The following CAGE1 variants were observed in gnomAD, a reference collection of about 807,000 sequenced individuals.
CAGE1 encodes the protein cancer-associated gene 1 protein.
A neutral mutation model predicts 94.9 loss-of-function variants in CAGE1; 66 were observed. The ratio of observed to expected loss-of-function variants is 0.70; its 90% CI spans 0.57 to 0.85. The LOEUF (loss-of-function observed/expected upper bound fraction) is 0.85. Among genes scored for constraint, CAGE1 ranks in the 40% least tolerant of loss-of-function variants. CAGE1 has a pLI of 0.00. For missense variants in CAGE1, 865 were observed against 950.4 expected (o/e 0.91, Z 1.18); for synonymous variants, 319 against 321.0 (o/e 0.99, Z 0.07).
At chr6:7,326,988 A>T in intron 13 of CAGE1, 89 bp from the exon 14 acceptor site, 1 of 921,144 alleles carries the variant, frequency 1.1e-6, no homozygotes, top group Non-Finnish European at 1.8e-6. Context: ...TTTTTATTAC[A>T]TATGGAAAAG....
chr6:7,352,457 T>A (rs1759817959), intron 11 of CAGE1, among the ~76,000 whole-genome samples: 1 of 151,866 alleles, frequency 6.6e-6, no homozygotes, highest in East Asian at 1.9e-4. Context: ...ATTGTGAAAA[T>A]GACCATACTG....
At chr6:7,345,125 A>ATCCATATTGCTTTTAGGAGCTAGG (rs35362202) in intron 11 of CAGE1, among the ~76,000 whole-genome samples, 1 of 151,206 alleles carries the variant, frequency 6.6e-6, no homozygotes, top group Non-Finnish European at 1.5e-5. Flanking sequence ...TGCTCTTTAG[A>ATCCATATTGCTTTTAGGAGCTAGG]TCCATATTGC....
intron 3 of CAGE1, among the ~76,000 whole-genome samples, chr6:7,379,555 A>G (rs1760864275): frequency 6.6e-6 from 1 of 152,248 alleles, no homozygotes; most frequent in Non-Finnish European, 1.5e-5. Context: ...ATGCTATGCT[A>G]TACTATTTTT....
chr6:7,330,419 G>A (rs756893333), intron 12 of CAGE1, among the ~76,000 whole-genome samples: 46 of 152,000 alleles, frequency 3.0e-4, no homozygotes, highest in Non-Finnish European at 5.9e-4. Flanking sequence ...AAATAACGAT[G>A]AGGCACACTC....
chr6:7,352,801 A>G (rs1216262085), intron 11 of CAGE1, among the ~76,000 whole-genome samples: 2 of 152,150 alleles, frequency 1.3e-5, no homozygotes, highest in Admixed American at 6.5e-5. Flanking sequence ...GGGAAAGGAC[A>G]CCCTTTTCAA....
At chr6:7,336,285 A>G (rs2038828) in intron 11 of CAGE1, among the ~76,000 whole-genome samples, 58,557 of 152,070 alleles carry the variant, frequency 0.39, 11,475 homozygotes, top group Admixed American at 0.46. Context: ...AGTGTGCAAC[A>G]TAGCAGCAGT....
rs1345796285 is a variant in CAGE1, at chr6:7,327,582, A to G, written c.2479-683T>C. On this transcript the variant is annotated intron_variant, in intron 13 of 13. Transcript: ENST00000502583. ...AATTGACAGATGTAGAAAAAGGAATAGAAGCAAGAATCTGAATAATCCAAA... is the reference window on the plus strand; with the variant it reads ...AATTGACAGATGTAGAAAAAGGAATGGAAGCAAGAATCTGAATAATCCAAA... Among the ~76,000 whole-genome samples the G allele has an allele frequency of 1.3e-5, 2 of 152,248 alleles. 1 individual carries two copies. Among genetic ancestry groups the G allele is most frequent in the Non-Finnish European group, 2.9e-5 (2 of 68,046 alleles).
intron 2 of CAGE1, among the ~76,000 whole-genome samples, chr6:7,386,142 G>C (rs1581702727): frequency 6.6e-6 from 1 of 152,056 alleles, no homozygotes; most frequent in South Asian, 2.1e-4. Flanking sequence ...TATAAACTTA[G>C]GGATACGTGA....
intron 3 of CAGE1, among the ~76,000 whole-genome samples, chr6:7,385,193 C>T (rs759221536): frequency 7.9e-5 from 12 of 151,964 alleles, no homozygotes; most frequent in African/African-American, 1.7e-4. Flanking sequence ...TTACTGGAGA[C>T]GGGGTTTCTC....
Position 7,339,344 on chromosome 6 carries a change from C to T in CAGE1, c.2370-5254G>A, listed in dbSNP as rs1428902692. 6.2e-6 allele frequency: 10 copies of T among 1,608,336 alleles called. No individual in the cohort carries two copies. Among genetic ancestry groups the T allele is most frequent in the Non-Finnish European group, 8.5e-6 (10 of 1,175,400 alleles). On this transcript the variant is annotated intron_variant, in intron 11 of 13. Transcript: ENST00000502583. The surrounding 1 kb of genome is among the most constrained non-coding windows in gnomAD (Gnocchi z 4.7). ...CACTGCCCTCTGGAGAGCCAAACCT[C>T]TTCTGAACTACAGCAGTCAGTTCCC...
rs769933099 is a variant in CAGE1 at position 7,373,536 on chromosome 6, A to G, written c.1283T>C (p.Met428Thr). ...ACTTACAGATTTATTTTTTTGTTGC[A>G]TTTCAGTCATGTACCTTTCCTGTAA... Reference protein sequence around the residue: ...VCLQERYMTEMQQKNKSVSQY... With the variant: ...VCLQERYMTETQQKNKSVSQY... The change falls in exon 5 of 14, where the codon ATG becomes ACG. Residue 428 changes from methionine to threonine, a missense_variant. Met to Thr is a moderately conservative substitution (Grantham distance 81). Coordinates refer to ENST00000502583, the MANE Select transcript of CAGE1 (RefSeq NM_001170692.2). 2 of 1,613,230 alleles carry G rather than the reference A, an allele frequency of 1.2e-6. No homozygotes were observed. Among genetic ancestry groups the G allele is most frequent in the Non-Finnish European group, 1.7e-6 (2 of 1,179,754 alleles).
intron 5 of CAGE1, among the ~76,000 whole-genome samples, chr6:7,370,534 C>T (rs1760504247): frequency 6.6e-6 from 1 of 152,100 alleles, no homozygotes; most frequent in Admixed American, 6.6e-5. Flanking sequence ...TGGGCTCAAG[C>T]AATGTTCTTG....
In CAGE1 at chr6:7,356,064, AT is replaced by A; in HGVS notation, c.2258del (p.Asn753MetfsTer8). 2.6e-6 allele frequency: 4 copies of A among 1,550,190 alleles called. No individual in the cohort carries two copies. In the East Asian group the frequency reaches 9.8e-5, roughly 38 times the overall value. On this transcript the variant is annotated frameshift_variant, in exon 10 of 14. Coordinates refer to ENST00000502583, the MANE Select transcript of CAGE1 (RefSeq NM_001170692.2). LOFTEE classifies it high-confidence loss of function. ...ENHCNRLIEE[N>X]DKYQRHLGNL... ...TGCCTAAATGTCTTTGATACTTGTC[AT>A]TTTCTTCAATGAGTCTGTTGCAGTG...
intron 9 of CAGE1, among the ~76,000 whole-genome samples, chr6:7,364,342 T>G (rs1014166547): frequency 2.0e-5 from 3 of 152,200 alleles, no homozygotes; most frequent in Non-Finnish European, 4.4e-5. Context: ...AAACAGTTAT[T>G]TATGTATCTT....
chr6:7,366,000 C>T, intron 7 of CAGE1, 116 bp from the exon 8 acceptor site: 1 of 607,328 alleles, frequency 1.6e-6, no homozygotes, highest in Non-Finnish European at 2.8e-6. Flanking sequence ...AATCCCAGCA[C>T]TTTGGGATGC....
chr6:7,342,407 T>C (rs1258592985), intron 11 of CAGE1, among the ~76,000 whole-genome samples: 1 of 152,202 alleles, frequency 6.6e-6, no homozygotes, highest in East Asian at 1.9e-4. Flanking sequence ...CTACCGCAAG[T>C]GCAGCATCAT....
At chr6:7,342,278 T>C (rs760402328) in intron 11 of CAGE1, among the ~76,000 whole-genome samples, 1 of 152,214 alleles carries the variant, frequency 6.6e-6, no homozygotes, top group East Asian at 1.9e-4. Flanking sequence ...AGCTGGATCA[T>C]CTGGCACATT....
At chr6:7,344,849 T>C (rs1176292831) in intron 11 of CAGE1, among the ~76,000 whole-genome samples, 2 of 152,302 alleles carry the variant, frequency 1.3e-5, no homozygotes, top group East Asian at 3.9e-4. Flanking sequence ...GCTATTCTGG[T>C]GGGGCCTTGG....
At chr6:7,375,539 C>T (rs1192493693) in intron 4 of CAGE1, among the ~76,000 whole-genome samples, 1 of 152,090 alleles carries the variant, frequency 6.6e-6, no homozygotes, top group Non-Finnish European at 1.5e-5. Context: ...GAGTTGGAGA[C>T]CAGTTTGGGT....
Sources: gnomAD v4.1 joint callset for allele counts (sites outside exome capture counted in the v4.1 genomes callset) on GRCh38, gnomAD v4.1.1 for gene constraint, Gnocchi (gnomAD v3.1) non-coding constraint, MANE v1.5 for transcripts, NCBI Gene and HGNC (gene_info 2026-07-23, HGNC 2026-07-21) for gene names.